STN1: variants seen among roughly 807,000 people sequenced by gnomAD.
The protein encoded by STN1 is CST complex subunit STN1.
Under a neutral mutation model 45.5 loss-of-function variants are expected in STN1, and 29 were observed. The observed-to-expected ratio is 0.64, with a 90% confidence interval of 0.47 to 0.87. The LOEUF is 0.87. STN1 is among the 40% of genes least tolerant of loss of function. The pLI is 0.00. For missense variants in STN1, 376 were observed against 441.4 expected (o/e 0.85, Z 1.33); for synonymous variants, 148 against 159.0 (o/e 0.93, Z 0.52).
intron 9 of STN1, among the ~76,000 whole-genome samples, chr10:103,887,442 G>A (rs1482749301): frequency 6.6e-6 from 1 of 152,192 alleles, no homozygotes; most frequent in Non-Finnish European, 1.5e-5. Flanking sequence ...CAGAAGCTGG[G>A]GCTCAGTGCT....
intron 8 of STN1, among the ~76,000 whole-genome samples, chr10:103,890,589 C>A (rs1199769373): frequency 6.6e-6 from 1 of 152,234 alleles, no homozygotes; most frequent in Non-Finnish European, 1.5e-5. Flanking sequence ...TCAAGGTGAG[C>A]TGCCCCCATA....
chr10:103,883,752 A>G (rs1054124048), intron 9 of STN1, among the ~76,000 whole-genome samples: 11 of 152,080 alleles, frequency 7.2e-5, no homozygotes, highest in African/African-American at 2.4e-4. Context: ...CTGACAAACA[A>G]CTTTGTATCA....
chr10:103,903,720 T>C (rs1482701695), intron 4 of STN1, among the ~76,000 whole-genome samples: 1 of 152,208 alleles, frequency 6.6e-6, no homozygotes, highest in East Asian at 1.9e-4. Context: ...AATAAATTTC[T>C]TTCTTTATAA....
chr10:103,892,032 T>C (rs931335014), intron 8 of STN1, 98 bp downstream of exon 8: 2 of 1,022,360 alleles, frequency 2.0e-6, no homozygotes, highest in African/African-American at 3.3e-5. Context: ...TGTACCTCCT[T>C]AATGATTTTT....
intron 8 of STN1, 128 bp from the exon 9 acceptor site, chr10:103,889,272 T>C (rs1843123260): frequency 3.2e-6 from 2 of 628,056 alleles, no homozygotes; most frequent in South Asian, 1.8e-5. Context: ...CCCTACACCA[T>C]TAATGTGGTG....
At chr10:103,916,988 C>T (rs1034270101) in intron 2 of STN1, among the ~76,000 whole-genome samples, 1 of 152,138 alleles carries the variant, frequency 6.6e-6, no homozygotes, top group African/African-American at 2.4e-5. Flanking sequence ...AGAAAACAAA[C>T]CCCCTTTACA....
intron 2 of STN1, among the ~76,000 whole-genome samples, chr10:103,913,122 G>T (rs1843302787): frequency 1.3e-5 from 2 of 152,228 alleles, no homozygotes; most frequent in South Asian, 4.1e-4. Flanking sequence ...CTTTCAGATG[G>T]GGAGAAGAGT....
At chr10:103,907,308 CGTA>C (rs769390855) in intron 3 of STN1, among the ~76,000 whole-genome samples, 30 of 152,012 alleles carry the variant, frequency 2.0e-4, no homozygotes, top group Admixed American at 3.9e-4. Flanking sequence ...ATTACAATGA[CGTA>C]GTATATGAGA....
At chr10:103,899,918 G>C (rs1465430216) in intron 5 of STN1, 144 bp downstream of exon 5, 4 of 592,038 alleles carry the variant, frequency 6.8e-6, no homozygotes, top group Non-Finnish European at 1.2e-5. Flanking sequence ...TCTAAAGAAA[G>C]CATGTTAAAC....
intron 3 of STN1, among the ~76,000 whole-genome samples, chr10:103,907,660 T>G (rs1843250611): frequency 6.6e-6 from 1 of 152,240 alleles, no homozygotes; most frequent in South Asian, 2.1e-4. Context: ...TTTTATATAC[T>G]TCATTAAAAT....
intron 2 of STN1, among the ~76,000 whole-genome samples, chr10:103,915,543 C>CT: frequency 6.6e-6 from 1 of 152,308 alleles, no homozygotes. Flanking sequence ...CAGTGAAATT[C>CT]TTTATCACAC....
chr10:103,887,147 G>A (rs1453957823), intron 9 of STN1, among the ~76,000 whole-genome samples: 1 of 152,178 alleles, frequency 6.6e-6, no homozygotes, highest in Non-Finnish European at 1.5e-5. Flanking sequence ...TAGACTGAGG[G>A]TCGGATATTT....
chr10:103,910,656 T>C (rs1453179867), intron 2 of STN1, 34 bp from the exon 3 acceptor site: 2 of 1,152,624 alleles, frequency 1.7e-6, no homozygotes, highest in Non-Finnish European at 2.6e-6. Context: ...CGACATAATG[T>C]ATGATTACAT....
In STN1 at chr10:103,917,481, C is replaced by T. The variant is rs1843341545; in HGVS notation, c.114G>A (p.Lys38=). The change falls in exon 2 of 10, where the codon AAG becomes AAA. Residue 38 remains lysine (K), a synonymous_variant. Transcript: ENST00000224950. ...KLYIRDILDM[K]ESRQVPGVFL... ...ACATACCTGGCACCTGGCGGGACTC[C>T]TTCATGTCCAGGATATCCCTGATGT... is the stretch of plus-strand genomic sequence containing the variant. 6.2e-7 allele frequency: 1 copy of T among 1,613,846 alleles called. No individual in the cohort carries two copies. Among genetic ancestry groups the T allele is most frequent in the Non-Finnish European group, 8.5e-7 (1 of 1,179,880 alleles).
rs1053951758 is a variant in STN1 at position 103,902,203 on chromosome 10, T to C, written c.296-1980A>G. ...CATTCAGTGAGTCCAGGTAGGAACC[T>C]GGACGCAATCAGCATTACCGCTGCT... On this transcript the variant is annotated intron_variant, in intron 4 of 9. Transcript: ENST00000224950. Among the ~76,000 whole-genome samples, 4 of 152,352 alleles carry C rather than the reference T, an allele frequency of 2.6e-5. No individual in the cohort carries two copies. In the South Asian group the frequency reaches 8.3e-4, roughly 32 times the overall value.
chr10:103,897,659 T>A lies in STN1; in HGVS notation c.642A>T (p.Glu214Asp). The A allele has an allele frequency of 6.2e-7, 1 of 1,614,206 alleles. No homozygotes were observed. The highest frequency in any genetic ancestry group is 8.5e-7 in the Non-Finnish European group (1 of 1,180,030). The change falls in exon 7 of 10, where the codon GAA becomes GAT. Residue 214 changes from glutamate (E) to aspartate (D), a missense_variant. Physicochemically the swap from Glu to Asp is conservative, Grantham distance 45. Transcript: ENST00000224950. ...LTSLLSEKAK[E>D]FLMENRVQSF... The stretch of plus-strand genomic sequence containing the variant: ...TCTGCACTCTGTTCTCCATGAGGAA[T>A]TCTTTGGCTTTTTCACTCAGCAAAC...
chr10:103,889,130 G>T lies in STN1; in HGVS notation c.891C>A (p.Asp297Glu). 2 of 1,612,596 alleles carry T rather than the reference G, an allele frequency of 1.2e-6. No homozygotes were observed. The highest frequency in any genetic ancestry group is 1.7e-6 in the Non-Finnish European group (2 of 1,178,640). ...GGTGGATCTTTCTGTGCAGGTCTTT[G>T]TCTTCTCTGGTTACCTAAATAGGAA... ...FDNLYYVTRE[D>E]KDLHRKIHRI... Residue 297 changes from aspartate to glutamate, a missense_variant, in exon 9 of 10, where the codon GAC becomes GAA. Physicochemically the swap from Asp to Glu is conservative, Grantham distance 45 (BLOSUM62 2). Transcript: ENST00000224950.
intron 2 of STN1, among the ~76,000 whole-genome samples, chr10:103,913,065 G>A (rs934663096): frequency 2.6e-5 from 4 of 152,238 alleles, no homozygotes; most frequent in Non-Finnish European, 5.9e-5. Flanking sequence ...TCTCCAAGGA[G>A]ATCCTAGCAT....
rs765854401 is a variant in STN1 at position 103,882,693 on chromosome 10, T to C, written c.1098A>G (p.Thr366=). 3.1e-6 allele frequency: 5 copies of C among 1,611,128 alleles called. No homozygotes were observed. In the African/African-American group the frequency reaches 5.3e-5, roughly 17 times the overall value. ...DIVSTMEHYY[T]AF is the part of the protein sequence containing the mutation. ...GTCTGCGTGTCTCTGCTCAGAACGC[T>C]GTGTAGTAGTGCTCCATTGTGCTGA... The change falls in exon 10 of 10, where the codon ACA becomes ACG. Residue 366 remains threonine (T), a synonymous_variant. Coordinates refer to ENST00000224950, the MANE Select transcript of STN1 (RefSeq NM_024928.5).
Sources: gnomAD v4.1 joint callset for allele counts (sites outside exome capture counted in the v4.1 genomes callset) on GRCh38, gnomAD v4.1.1 for gene constraint, MANE v1.5 for transcripts, NCBI Gene and HGNC (gene_info 2026-07-23, HGNC 2026-07-21) for gene names.